The following WEE2 variants were observed in gnomAD, a reference collection of about 807,000 sequenced individuals.
WEE2 encodes wee1-like protein kinase 2.
A neutral mutation model predicts 60.1 loss-of-function variants in WEE2; 50 were observed. That is an observed-to-expected ratio of 0.83 (90% CI 0.66 to 1.05). The LOEUF (loss-of-function observed/expected upper bound fraction) is 1.05. WEE2 is among the 50% of genes least tolerant of loss of function. The pLI is 0.00. For missense variants in WEE2, 631 were observed against 684.3 expected, an observed-to-expected ratio of 0.92 and a Z score of 0.87; for synonymous variants, 240 against 241.0, an observed-to-expected ratio of 1.00 and a Z score of 0.04.
intron 3 of WEE2, among the ~76,000 whole-genome samples, chr7:141,717,020 A>G (rs978116952): frequency 7.9e-5 from 12 of 152,242 alleles, no homozygotes; most frequent in Admixed American, 5.9e-4. Context: ...TGGCTAAGCT[A>G]ATTACAGTTT....
Position 141,719,149 on chromosome 7 carries a change from C to T in WEE2, c.663C>T (p.Gly221=), listed in dbSNP as rs774017102. ...TGGAGGTTGAAAAAATTGGGGTTGG[C>T]GAATTTGGTACAGTCTACAAGTGCA... ...EFLEVEKIGV[G]EFGTVYKCIK... Residue 221 remains glycine, a synonymous_variant, in exon 4 of 12, where the codon GGC becomes GGT. Coordinates refer to ENST00000397541, the MANE Select transcript of WEE2 (RefSeq NM_001105558.1). The T allele has an allele frequency of 2.0e-5, 33 of 1,613,888 alleles. No individual in the cohort carries two copies. Among genetic ancestry groups the T allele is most frequent in the South Asian group, 7.7e-5 (7 of 91,056 alleles).
intron 6 of WEE2, 142 bp downstream of exon 6, chr7:141,723,422 A>C: frequency 1.1e-6 from 1 of 950,342 alleles, no homozygotes; most frequent in Non-Finnish European, 1.6e-6. Flanking sequence ...TTCCTTAAAA[A>C]AAATCAGTTA....
intron 10 of WEE2, chr7:141,728,249 T>C (rs1005153011): frequency 6.6e-6 from 1 of 152,228 alleles, no homozygotes; most frequent in African/African-American, 2.4e-5. Flanking sequence ...CTGTACACTG[T>C]TGAAAATACA....
rs1563017523 is a variant in WEE2 at position 141,727,372 on chromosome 7, G to A, written c.1461G>A (p.Arg487=). 1 of 1,614,136 alleles carries A rather than the reference G, an allele frequency of 6.2e-7. No homozygotes were observed. The highest frequency in any genetic ancestry group is 8.5e-7 in the Non-Finnish European group (1 of 1,180,026). The change falls in exon 10 of 12, where the codon CGG becomes CGA. Residue 487 remains arginine, a synonymous_variant. Transcript: ENST00000397541. ...AAALARNTVL[R]PSLGKTEELQ... is the part of the protein sequence containing the mutation. ...CTCTGGCCAGAAATACAGTTCTCCG[G>A]CCTTCCCTGGGAAAAACAGAAGAGC...
chr7:141,723,095 A>G, intron 5 of WEE2, 39 bp from the exon 6 acceptor site: 2 of 1,611,958 alleles, frequency 1.2e-6, no homozygotes, highest in Non-Finnish European at 1.7e-6. Flanking sequence ...CATCTATAAG[A>G]CTCATACTGT....
intron 5 of WEE2, among the ~76,000 whole-genome samples, chr7:141,722,201 C>T (rs1040915857): frequency 2.6e-5 from 4 of 152,004 alleles, no homozygotes; most frequent in East Asian, 1.9e-4. Context: ...GTCAGAAGTT[C>T]GAGACGAGCC....
chr7:141,720,107 G>C (rs1798881026), intron 4 of WEE2, among the ~76,000 whole-genome samples: 1 of 140,316 alleles, frequency 7.1e-6, no homozygotes, highest in Non-Finnish European at 1.5e-5. Context: ...GCAGAATCTA[G>C]AATTGCAGGT....
At chr7:141,723,366 T>C in intron 6 of WEE2, 86 bp downstream of exon 6, 1 of 1,430,718 alleles carries the variant, frequency 7.0e-7, no homozygotes, top group East Asian at 2.3e-5. Context: ...GTCTATCAAG[T>C]GTCAAGGACG....
At position 141,711,406 on chromosome 7, in the gene WEE2, A is replaced by T. The variant is rs997409589; in HGVS notation, c.342+2306A>T. 2.0e-5 allele frequency among the ~76,000 whole-genome samples: 3 copies of T among 152,224 alleles called. No homozygotes were observed. The highest frequency in any genetic ancestry group is 4.4e-5 in the Non-Finnish European group (3 of 68,036). On this transcript the variant is annotated intron_variant, in intron 1 of 11. Transcript: ENST00000397541. The surrounding 1 kb of genome is among the most constrained non-coding windows in gnomAD (Gnocchi z 4.2). ...ATGCAACTGGGAAAGTACATACTTT[A>T]TGAAAACACAGTTTGCGTTAGAGGA... is the stretch of plus-strand genomic sequence containing the variant.
intron 10 of WEE2, among the ~76,000 whole-genome samples, chr7:141,728,688 T>C (rs1042285878): frequency 2.0e-5 from 3 of 152,166 alleles, no homozygotes; most frequent in Non-Finnish European, 4.4e-5. Context: ...CCCCAGCCCC[T>C]GGGCCATGGA....
At chr7:141,724,072 CAGTT>C in intron 7 of WEE2, 24 bp downstream of exon 7, 1 of 1,585,140 alleles carries the variant, frequency 6.3e-7, no homozygotes, top group Non-Finnish European at 8.6e-7. Flanking sequence ...ATAGCCTTAC[CAGTT>C]ACCATTATCC....
rs1798801700 is a variant in WEE2, at chr7:141,716,585, T to C, written c.585+318T>C. Among the ~76,000 whole-genome samples, 3 of 151,980 alleles carry C rather than the reference T, an allele frequency of 2.0e-5. No homozygotes were observed. The South Asian group carries it at 6.2e-4, about 32-fold the overall frequency. Reference sequence around the variant, plus strand: ...TAGCTTTGTAAATGTGCTTTGCAGCTGAATTTATCTGGACCCTAGTCAGGG... The same window carrying C: ...TAGCTTTGTAAATGTGCTTTGCAGCCGAATTTATCTGGACCCTAGTCAGGG... On this transcript the variant is annotated intron_variant, in intron 3 of 11. Coordinates refer to ENST00000397541, the MANE Select transcript of WEE2 (RefSeq NM_001105558.1).
chr7:141,723,967 C>T lies in WEE2; in HGVS notation c.1054C>T (p.Gln352Ter). The T allele has an allele frequency of 6.2e-7, 1 of 1,610,116 alleles. No homozygotes were observed. Among genetic ancestry groups the T allele is most frequent in the Non-Finnish European group, 8.5e-7 (1 of 1,178,414 alleles). Residue 352 changes from glutamine to a stop codon, truncating the protein, a stop_gained, in exon 7 of 12, where the codon CAA (glutamine) becomes TAA (stop). Transcript: ENST00000397541. LOFTEE classifies it high-confidence loss of function. ...TAATATATTCATTTGTCACAAGATG[C>T]AAAGTGAATCCTCTGGAGTCATAGA... Reference protein sequence around the residue: ...PSNIFICHKMQSESSGVIEEV... With the variant: ...PSNIFICHKM
chr7:141,708,529 G>C lies in WEE2; in HGVS notation c.-230G>C, dbSNP rs1798656219. On this transcript the variant is annotated 5_prime_UTR_variant, in exon 1 of 12. Coordinates refer to ENST00000397541, the MANE Select transcript of WEE2 (RefSeq NM_001105558.1). ...TTTAATTGCTCCGAGAGTCACTGGA[G>C]CTTTCTTTAATCAGAATGGAAATCA... The C allele has an allele frequency of 1.8e-6, 1 of 565,268 alleles. No homozygotes were observed. The highest frequency in any genetic ancestry group is 1.9e-5 in the African/African-American group (1 of 53,566). The allele number at this position is 565,268 out of a possible 1,614,324, so 35.0% of individuals were successfully genotyped here.
intron 4 of WEE2, 83 bp downstream of exon 4, chr7:141,719,327 C>A: frequency 1.6e-6 from 2 of 1,247,404 alleles, no homozygotes; most frequent in Non-Finnish European, 2.2e-6. Context: ...ATTAAAGCAC[C>A]GATGTCATTA....
At chr7:141,727,144 C>A (rs1799031744) in intron 9 of WEE2, 160 bp from the exon 10 acceptor site, 2 of 691,104 alleles carry the variant, frequency 2.9e-6, no homozygotes, top group African/African-American at 3.6e-5. Flanking sequence ...AATCCTCCTG[C>A]CCCAGGTGGA....
In WEE2 at chr7:141,729,136, T is replaced by G. The variant is rs542358983; in HGVS notation, c.1536-395T>G. ...CTGTTATATGTTGTCAATGGCTGTT[T>G]TTACACTATAAATGAGTGGCTGTGT... is the stretch of plus-strand genomic sequence containing the variant. On this transcript the variant is annotated intron_variant, in intron 10 of 11. Coordinates refer to ENST00000397541, the MANE Select transcript of WEE2 (RefSeq NM_001105558.1). Among the ~76,000 whole-genome samples, 4 of 152,354 alleles carry G rather than the reference T, an allele frequency of 2.6e-5. No individual in the cohort carries two copies. The South Asian group carries it at 8.3e-4, about 32-fold the overall frequency.
intron 2 of WEE2, 143 bp downstream of exon 2, chr7:141,714,548 T>A: frequency 1.6e-6 from 1 of 637,232 alleles, no homozygotes; most frequent in Non-Finnish European, 2.6e-6. Context: ...TTCCTAGATA[T>A]CAATGCTGGT....
At chr7:141,715,934 C>T (rs1272739354) in intron 2 of WEE2, among the ~76,000 whole-genome samples, 4 of 152,204 alleles carry the variant, frequency 2.6e-5, no homozygotes, top group African/African-American at 9.7e-5. Flanking sequence ...GAAAACCTCA[C>T]TCTTTTCCCT....
Sources: gnomAD v4.1 joint callset for allele counts (sites outside exome capture counted in the v4.1 genomes callset) on GRCh38, gnomAD v4.1.1 for gene constraint, Gnocchi (gnomAD v3.1) non-coding constraint, MANE v1.5 for transcripts, NCBI Gene and HGNC (gene_info 2026-07-23, HGNC 2026-07-21) for gene names.